Variants in PLXNA2 observed in about 807,000 individuals in gnomAD.
PLXNA2 encodes the protein plexin-A2.
Under a neutral mutation model 193.5 loss-of-function variants are expected in PLXNA2, and 91 were observed. The observed-to-expected ratio is 0.47, with a 90% confidence interval of 0.40 to 0.56. PLXNA2 has a LOEUF of 0.56. Ranked by LOEUF, PLXNA2 falls within the 20% of genes least tolerant of loss-of-function variation. PLXNA2 has a pLI of 0.00. For missense variants in PLXNA2, 1,995 were observed against 2,503.2 expected, an observed-to-expected ratio of 0.80 and a Z score of 4.33; for synonymous variants, 997 against 1,027.3, an observed-to-expected ratio of 0.97 and a Z score of 0.56.
intron 1 of PLXNA2, among the ~76,000 whole-genome samples, chr1:208,218,383 C>T (rs926095350): frequency 6.6e-6 from 1 of 152,188 alleles, no homozygotes; most frequent in Non-Finnish European, 1.5e-5. Context: ...CGTCTTATCC[C>T]AGCCCAGTGG....
intron 9 of PLXNA2, among the ~76,000 whole-genome samples, chr1:208,092,371 G>A (rs1365394863): frequency 6.6e-6 from 1 of 152,176 alleles, no homozygotes; most frequent in Admixed American, 6.5e-5. Flanking sequence ...AGAGAAGTTG[G>A]CATGAAAGAA....
chr1:208,103,732 C>A (rs2102418949), intron 4 of PLXNA2, among the ~76,000 whole-genome samples: 1 of 152,344 alleles, frequency 6.6e-6, no homozygotes, highest in South Asian at 2.1e-4. Context: ...TTACAGCCAA[C>A]CAAATATACC....
chr1:208,233,097 C>G (rs1214815040), intron 1 of PLXNA2, among the ~76,000 whole-genome samples: 1 of 152,144 alleles, frequency 6.6e-6, no homozygotes, highest in African/African-American at 2.4e-5. Context: ...CTTTTCCAGG[C>G]TGGGATAGCT....
chr1:208,177,724 T>C (rs535491473), intron 3 of PLXNA2, among the ~76,000 whole-genome samples: 1 of 152,354 alleles, frequency 6.6e-6, no homozygotes, highest in East Asian at 1.9e-4. Context: ...GATAAGTGGT[T>C]CTCAACCGTG....
chr1:208,148,025 G>A (rs1286058887), intron 3 of PLXNA2, among the ~76,000 whole-genome samples: 1 of 152,194 alleles, frequency 6.6e-6, no homozygotes, highest in Non-Finnish European at 1.5e-5. Context: ...CAGTTGAAAT[G>A]AGAATGAAAT....
intron 12 of PLXNA2, among the ~76,000 whole-genome samples, chr1:208,072,928 G>A (rs983754336): frequency 6.6e-6 from 1 of 152,130 alleles, no homozygotes; most frequent in African/African-American, 2.4e-5. Context: ...TCTTGGGGTG[G>A]GATGAGGTGG....
intron 23 of PLXNA2, 40 bp downstream of exon 23, chr1:208,039,952 C>A (rs1454526197): frequency 6.2e-7 from 1 of 1,605,872 alleles, no homozygotes; most frequent in Admixed American, 1.7e-5. Flanking sequence ...CAGTGCCATC[C>A]TGCCCTGGAC....
intron 3 of PLXNA2, among the ~76,000 whole-genome samples, chr1:208,189,631 A>G (rs1433433302): frequency 6.6e-6 from 1 of 152,218 alleles, no homozygotes; most frequent in Non-Finnish European, 1.5e-5. Flanking sequence ...ACCTCACTTA[A>G]CTTTTGGAGC....
intron 4 of PLXNA2, among the ~76,000 whole-genome samples, chr1:208,118,224 GT>G (rs1170448648): frequency 5.3e-5 from 8 of 152,146 alleles, no homozygotes; most frequent in Admixed American, 1.3e-4. Flanking sequence ...TGATAAAATT[GT>G]TTAAAAAAAG....
At chr1:208,178,656 C>T (rs1476742041) in intron 3 of PLXNA2, among the ~76,000 whole-genome samples, 1 of 152,088 alleles carries the variant, frequency 6.6e-6, no homozygotes, top group South Asian at 2.1e-4. Context: ...TGGAAGGTAT[C>T]GAATGAGGGA....
intron 14 of PLXNA2, 126 bp downstream of exon 14, chr1:208,054,295 C>G (rs972226455): frequency 9.3e-6 from 6 of 644,428 alleles, no homozygotes; most frequent in Non-Finnish European, 1.7e-5. Flanking sequence ...TCTGGAGGGT[C>G]CTTTTCTCCT....
chr1:208,142,279 A>T, intron 4 of PLXNA2, 50 bp downstream of exon 4: 5 of 1,538,456 alleles, frequency 3.3e-6, no homozygotes, highest in Non-Finnish European at 4.4e-6. Context: ...GTGACAGATT[A>T]TCAGCAGTTT....
chr1:208,186,413 A>AAAAC (rs755099595), intron 3 of PLXNA2, among the ~76,000 whole-genome samples: 2 of 152,240 alleles, frequency 1.3e-5, no homozygotes, highest in Non-Finnish European at 2.9e-5. Context: ...ATTTGGCAAA[A>AAAAC]AAACAAACAA....
chr1:208,194,020 G>A (rs1463407792), intron 3 of PLXNA2, among the ~76,000 whole-genome samples: 3 of 152,006 alleles, frequency 2.0e-5, no homozygotes, highest in Non-Finnish European at 2.9e-5. Context: ...GGGAACTTAA[G>A]GGGGTTCATA....
At chr1:208,051,573 C>T (rs182758219) in intron 15 of PLXNA2, 150 bp from the exon 16 acceptor site, 16 of 634,118 alleles carry the variant, frequency 2.5e-5, no homozygotes, top group African/African-American at 1.1e-4. Flanking sequence ...GAACACATCC[C>T]GCATCAGTAT....
At chr1:208,149,662 G>C (rs1668697568) in intron 3 of PLXNA2, among the ~76,000 whole-genome samples, 1 of 151,998 alleles carries the variant, frequency 6.6e-6, no homozygotes, top group Non-Finnish European at 1.5e-5. Context: ...CTGACCCTGG[G>C]AGTGAGTTAA....
At chr1:208,237,358 T>G (rs886589165) in intron 1 of PLXNA2, among the ~76,000 whole-genome samples, 1 of 152,142 alleles carries the variant, frequency 6.6e-6, no homozygotes, top group East Asian at 1.9e-4. Context: ...TCTGGACACT[T>G]AAATGTGAAT....
intron 3 of PLXNA2, among the ~76,000 whole-genome samples, chr1:208,161,863 A>G (rs528454700): frequency 1.3e-4 from 20 of 152,300 alleles, no homozygotes; most frequent in Non-Finnish European, 2.8e-4. Flanking sequence ...TACTTTATTA[A>G]TTACGCGTCA....
chr1:208,180,280 G>T (rs1669799777), intron 3 of PLXNA2, among the ~76,000 whole-genome samples: 1 of 151,934 alleles, frequency 6.6e-6, no homozygotes, highest in Non-Finnish European at 1.5e-5. Flanking sequence ...AAAATGGCCT[G>T]TCTTCAGGCT....
Sources: gnomAD v4.1 joint callset for allele counts (sites outside exome capture counted in the v4.1 genomes callset) on GRCh38, gnomAD v4.1.1 for gene constraint, MANE v1.5 for transcripts, NCBI Gene and HGNC (gene_info 2026-07-23, HGNC 2026-07-21) for gene names.